Variants in CXADR observed in about 807,000 individuals in gnomAD.
CXADR encodes CXADR cell adhesion molecule, also known as coxsackievirus and adenovirus receptor.
A neutral mutation model predicts 40.3 loss-of-function variants in CXADR; 20 were observed. That is an observed-to-expected ratio of 0.50 (90% CI 0.35 to 0.72). CXADR has a LOEUF of 0.72. Ranked by LOEUF, CXADR falls within the 30% of genes least tolerant of loss-of-function variation. The pLI is 0.01. For synonymous variants in CXADR, 150 were observed against 161.3 expected (o/e 0.93, Z 0.53); for missense variants, 332 against 449.1 (o/e 0.74, Z 2.36).
intron 1 of CXADR, among the ~76,000 whole-genome samples, chr21:17,540,931 G>A (rs548435586): frequency 3.5e-4 from 53 of 152,136 alleles, no homozygotes; most frequent in African/African-American, 1.2e-3. Flanking sequence ...TATAAATATG[G>A]TTGTGTGCTC....
chr21:17,594,326 C>T, downstream of CXADR: 3 of 1,612,594 alleles, frequency 1.9e-6, no homozygotes, highest in Non-Finnish European at 1.7e-6. Context: ...AATATAAGTT[C>T]TGAAATCTGT....
rs2061193967 is a variant in CXADR at position 17,565,503 on chromosome 21, G to T, written c.909G>T (p.Gly303=). 6.2e-7 allele frequency: 1 copy of T among 1,613,856 alleles called. No individual in the cohort carries two copies. The highest frequency in any genetic ancestry group is 8.5e-7 in the Non-Finnish European group (1 of 1,179,828). ...SYIGSNHSSL[G]SMSPSNMEGY... is the part of the protein sequence containing the mutation. Reference sequence around the variant, plus strand: ...TCGGCAGTAATCATTCATCCCTGGGGTCCATGTCTCCTTCCAACATGGAAG... The same window carrying T: ...TCGGCAGTAATCATTCATCCCTGGGTTCCATGTCTCCTTCCAACATGGAAG... The change falls in exon 7 of 7, where the codon GGG becomes GGT. Residue 303 remains glycine, a synonymous_variant. Coordinates refer to ENST00000284878, the MANE Select transcript of CXADR (RefSeq NM_001338.5).
chr21:17,600,388 G>T, the CXADR span, among the ~76,000 whole-genome samples: 3 of 152,162 alleles, frequency 2.0e-5, no homozygotes, highest in South Asian at 6.2e-4. Flanking sequence ...GTAACTCTAA[G>T]TAGAAATAAT....
chr21:17,612,358 G>C, the CXADR span: 2 of 152,326 alleles, frequency 1.3e-5, no homozygotes, highest in African/African-American at 4.8e-5. Flanking sequence ...CGACGCGAAG[G>C]GGGTGGACAG....
chr21:17,613,865 A>G, the CXADR span: 8 of 152,178 alleles, frequency 5.3e-5, no homozygotes, highest in Non-Finnish European at 1.0e-4. Context: ...TATTATTATT[A>G]AAAGAGGGCT....
At chr21:17,527,761 A>G (rs935916755) in intron 1 of CXADR, among the ~76,000 whole-genome samples, 3 of 151,920 alleles carry the variant, frequency 2.0e-5, no homozygotes, top group Non-Finnish European at 4.4e-5. Flanking sequence ...CTTTGCTTAT[A>G]TCTAACTTAT....
At chr21:17,591,347 CTAT>C (rs1415888577) in intron 7 of CXADR, among the ~76,000 whole-genome samples, 2 of 151,980 alleles carry the variant, frequency 1.3e-5, no homozygotes, top group African/African-American at 2.4e-5. Context: ...AAATTATTTA[CTAT>C]TATCTGTAAA....
intron 1 of CXADR, among the ~76,000 whole-genome samples, chr21:17,522,632 C>A (rs1202093076): frequency 6.6e-6 from 1 of 152,140 alleles, no homozygotes; most frequent in African/African-American, 2.4e-5. Flanking sequence ...GTGGTCACAT[C>A]GTATCTTCAG....
At chr21:17,522,854 T>A (rs2060548881) in intron 1 of CXADR, among the ~76,000 whole-genome samples, 1 of 152,224 alleles carries the variant, frequency 6.6e-6, no homozygotes, top group Non-Finnish European at 1.5e-5. Context: ...AACCATCCAC[T>A]TAATGTCTCT....
At chr21:17,555,623 T>C (rs2123285359) in intron 3 of CXADR, among the ~76,000 whole-genome samples, 1 of 149,376 alleles carries the variant, frequency 6.7e-6, no homozygotes, top group African/African-American at 2.5e-5. Context: ...GGCATTTATA[T>C]CTCCTTAATC....
At chr21:17,533,927 C>T (rs1320779355) in intron 1 of CXADR, among the ~76,000 whole-genome samples, 3 of 149,598 alleles carry the variant, frequency 2.0e-5, no homozygotes, top group African/African-American at 4.9e-5. Context: ...GAGTAACACT[C>T]GTGGGAATTA....
the CXADR span, among the ~76,000 whole-genome samples, chr21:17,610,405 A>G: frequency 6.6e-6 from 1 of 152,254 alleles, no homozygotes; most frequent in Non-Finnish European, 1.5e-5. Flanking sequence ...GAAGAGAGAT[A>G]CATTTATCCA....
In CXADR at chr21:17,593,050, TGAA is replaced by T. The variant is rs932137229; in HGVS notation, c.1018-100_1018-98del. 7.2e-5 allele frequency: 72 copies of T among 1,000,880 alleles called. No homozygotes were observed. The Middle Eastern group carries it at 1.5e-3, about 20-fold the overall frequency. The allele number at this position is 1,000,880 out of a possible 1,614,324, so 62.0% of individuals were successfully genotyped here. On this transcript the variant is annotated intron_variant, in intron 7 of 7. Coordinates refer to the CXADR transcript ENST00000400169. The stretch of plus-strand genomic sequence containing the variant: ...TAATTTAAGACTGCAAATTTAAAGA[TGAA>T]GGTGATGGAAAAAGTATTGCTGATC...
chr21:17,634,701 G>A, the CXADR span, among the ~76,000 whole-genome samples: 1 of 152,138 alleles, frequency 6.6e-6, no homozygotes, highest in African/African-American at 2.4e-5. Flanking sequence ...CATAATGAGT[G>A]GTAGAGATGT....
At chr21:17,600,278 T>C in the CXADR span, among the ~76,000 whole-genome samples, 10 of 152,072 alleles carry the variant, frequency 6.6e-5, no homozygotes, top group African/African-American at 2.4e-4. Flanking sequence ...AAACAATTTC[T>C]AGCATCAGGA....
chr21:17,542,028 T>A (rs1712307910), intron 1 of CXADR: 1 of 367,158 alleles, frequency 2.7e-6, no homozygotes, highest in Non-Finnish European at 5.3e-6. Context: ...ATTATTACTC[T>A]GTTTTTGCCA....
At chr21:17,573,547 C>T (rs1162156575), downstream of CXADR, among the ~76,000 whole-genome samples, 2 of 152,158 alleles carry the variant, frequency 1.3e-5, no homozygotes, top group Non-Finnish European at 2.9e-5. Context: ...CAGGAATATA[C>T]TATCTTTATT....
the CXADR span, among the ~76,000 whole-genome samples, chr21:17,617,657 T>A: frequency 6.6e-6 from 1 of 152,242 alleles, no homozygotes; most frequent in African/African-American, 2.4e-5. Context: ...AAAAAGTACT[T>A]AATTAAAAAA....
Position 17,530,159 on chromosome 21 carries a change from A to G in CXADR, c.44-16868A>G, listed in dbSNP as rs1338371098. On this transcript the variant is annotated intron_variant, in intron 1 of 6. Coordinates refer to ENST00000284878, the MANE Select transcript of CXADR (RefSeq NM_001338.5). ...TATTTTTTAGTAGAGACGGGGTTTC[A>G]CCATACTGGCCAGGCTGGTCTCCAA... Among the ~76,000 whole-genome samples the G allele has an allele frequency of 3.6e-5, 4 of 111,712 alleles. No individual in the cohort carries two copies. The East Asian group carries it at 1.1e-3, about 32-fold the overall frequency. The allele number at this position is 111,712 out of a possible 152,430, so 73.3% of individuals were successfully genotyped here.
Sources: gnomAD v4.1 joint callset for allele counts (sites outside exome capture counted in the v4.1 genomes callset) on GRCh38, gnomAD v4.1.1 for gene constraint, MANE v1.5 for transcripts, NCBI Gene and HGNC (gene_info 2026-07-23, HGNC 2026-07-21) for gene names.